NAPB: variants seen among roughly 807,000 people sequenced by gnomAD.
NAPB encodes the protein beta-soluble NSF attachment protein.
In NAPB, 26 loss-of-function variants were observed where a neutral mutation model predicts 44.7. The ratio of observed to expected loss-of-function variants is 0.58; its 90% CI spans 0.43 to 0.81. The LOEUF is 0.81. Ranked by LOEUF, NAPB falls within the 30% of genes least tolerant of loss-of-function variation. The pLI is 0.00. For missense variants in NAPB, 315 were observed against 356.4 expected (o/e 0.88, Z 0.94); for synonymous variants, 120 against 116.8 (o/e 1.03, Z -0.18).
chr20:23,391,952 G>A lies in NAPB; in HGVS notation c.421-1688C>T, dbSNP rs572957491. 2.6e-5 allele frequency among the ~76,000 whole-genome samples: 4 copies of A among 152,350 alleles called. No individual in the cohort carries two copies. The South Asian group carries it at 8.3e-4, about 32-fold the overall frequency. ...CTTTCTGCCCAAGCCCATTAGTTAA[G>A]TGGCTTCAAGGCAGCTCCTAGTGAG... On this transcript the variant is annotated intron_variant, in intron 5 of 10. Transcript: ENST00000377026.
At chr20:23,417,027 A>G (rs997177707) in intron 1 of NAPB, among the ~76,000 whole-genome samples, 1 of 151,722 alleles carries the variant, frequency 6.6e-6, no homozygotes, top group African/African-American at 2.4e-5. Flanking sequence ...CAGACTAAAC[A>G]CTGAAAGGCA....
rs372440421 is a variant in NAPB, at chr20:23,389,984, G to A, written c.523C>T (p.Leu175Phe). Residue 175 changes from leucine to phenylalanine, a missense_variant, in exon 7 of 11, where the codon CTT (leucine) becomes TTT (phenylalanine). Leu to Phe is a conservative substitution (Grantham distance 22). This residue lies in a region of NAPB where 16 missense variants were observed against 43.4 expected (regional missense o/e 0.37). Coordinates refer to ENST00000377026, the MANE Select transcript of NAPB (RefSeq NM_022080.3). ...TCAATGGCTTTCTGGTACTGCTCAAGCTGGGCAGCATATGCTGCCACCTTC... is the reference window on the plus strand; with the variant it reads ...TCAATGGCTTTCTGGTACTGCTCAAACTGGGCAGCATATGCTGCCACCTTC... ...LLKVAAYAAQ[L>F]EQYQKAIEIY... The A allele has an allele frequency of 2.5e-6, 4 of 1,614,152 alleles. No individual in the cohort carries two copies. In the African/African-American group the frequency reaches 5.3e-5, roughly 22 times the overall value.
At chr20:23,413,871 A>G (rs1373593863) in intron 1 of NAPB, among the ~76,000 whole-genome samples, 1 of 151,954 alleles carries the variant, frequency 6.6e-6, no homozygotes, top group Non-Finnish European at 1.5e-5. Context: ...TCACTGTGGT[A>G]TATTCTTAAA....
chr20:23,407,662 G>C (rs567674578), intron 1 of NAPB, among the ~76,000 whole-genome samples: 10 of 151,766 alleles, frequency 6.6e-5, no homozygotes, highest in East Asian at 5.8e-4. Flanking sequence ...AAAACACTAA[G>C]GAAATAAACT....
chr20:23,387,540 G>A (rs1983617575), intron 7 of NAPB, among the ~76,000 whole-genome samples: 1 of 152,124 alleles, frequency 6.6e-6, no homozygotes, highest in Admixed American at 6.5e-5. Flanking sequence ...TGGCATGGTT[G>A]CAGGACAAAA....
chr20:23,379,616 A>G, intron 9 of NAPB, 121 bp from the exon 10 acceptor site: 2 of 791,726 alleles, frequency 2.5e-6, no homozygotes, highest in South Asian at 3.6e-5. Context: ...AAATACTCAT[A>G]TACAAGTCAA....
At chr20:23,417,822 G>A (rs975084770) in intron 1 of NAPB, among the ~76,000 whole-genome samples, 2 of 151,998 alleles carry the variant, frequency 1.3e-5, no homozygotes, top group African/African-American at 4.8e-5. Context: ...GGATGGGAAA[G>A]GAATATTGAT....
Position 23,397,082 on chromosome 20 carries a change from T to G in NAPB, c.285A>C (p.Ala95=), listed in dbSNP as rs1984422337. The G allele has an allele frequency of 1.1e-5, 17 of 1,612,808 alleles. No homozygotes were observed. Among genetic ancestry groups the G allele is most frequent in the Non-Finnish European group, 1.4e-5 (17 of 1,179,038 alleles). ...GCCTGGCTGTCTTACCTTGGGGATC[T>G]GCCTTTTTGTAAGCATTTCCAGCAT... The part of the protein sequence containing the change: ...FVDAGNAYKK[A]DPQEAINCLN... The change falls in exon 3 of 11, where the codon GCA becomes GCC. Residue 95 remains alanine (A), a synonymous_variant. Transcript: ENST00000377026.
At position 23,394,929 on chromosome 20, in the gene NAPB, A is replaced by G. The variant is rs1221087050; in HGVS notation, c.413T>C (p.Ile138Thr). ...AGTGTGCCCACTGCTTACCTTCTCA[A>G]TGTCTACAAGTTCAGTCTCATAGAT... ...AEIYETELVD[I>T]EKAIAHYEQS... is the part of the protein sequence containing the mutation. The change falls in exon 5 of 11, where the codon ATT becomes ACT. Residue 138 changes from isoleucine (I) to threonine (T), a missense_variant. Ile to Thr is a moderately conservative substitution (Grantham distance 89). Around this residue, in one of 3 missense-constraint regions of NAPB, gnomAD observed 179 missense variants for 182.5 expected, o/e 0.98. Coordinates refer to ENST00000377026, the MANE Select transcript of NAPB (RefSeq NM_022080.3). 1.2e-6 allele frequency: 2 copies of G among 1,613,962 alleles called. No homozygotes were observed. The highest frequency in any genetic ancestry group is 1.7e-6 in the Non-Finnish European group (2 of 1,179,950).
chr20:23,415,587 C>G (rs937079612), intron 1 of NAPB, among the ~76,000 whole-genome samples: 3 of 151,598 alleles, frequency 2.0e-5, no homozygotes, highest in Non-Finnish European at 4.4e-5. Flanking sequence ...GAGCAAGACT[C>G]CATTTCAAAA....
chr20:23,397,725 A>G (rs1243080484), intron 2 of NAPB, among the ~76,000 whole-genome samples: 2 of 152,188 alleles, frequency 1.3e-5, no homozygotes, highest in Non-Finnish European at 2.9e-5. Context: ...CTAAAAATCC[A>G]AATTTTTTTC....
intron 1 of NAPB, 28 bp downstream of exon 1, chr20:23,421,277 C>A (rs747901016): frequency 2.0e-5 from 29 of 1,441,254 alleles, no homozygotes; most frequent in South Asian, 5.1e-5. Flanking sequence ...ACCCCCCCCC[C>A]CCAGGGCACG....
intron 1 of NAPB, among the ~76,000 whole-genome samples, chr20:23,408,113 T>G (rs532412324): frequency 1.3e-5 from 2 of 152,164 alleles, no homozygotes; most frequent in Non-Finnish European, 2.9e-5. Flanking sequence ...GACAGTACTA[T>G]GAAGATAAGC....
At chr20:23,401,335 C>T (rs1984826987) in intron 2 of NAPB, among the ~76,000 whole-genome samples, 1 of 152,146 alleles carries the variant, frequency 6.6e-6, no homozygotes, top group Admixed American at 6.5e-5. Flanking sequence ...TTATTTATAT[C>T]CTATCCTACT....
At chr20:23,392,673 T>C (rs894543336) in intron 5 of NAPB, among the ~76,000 whole-genome samples, 3 of 146,190 alleles carry the variant, frequency 2.1e-5, no homozygotes, top group African/African-American at 7.5e-5. Flanking sequence ...CACGCCACCA[T>C]TCCTGGATAG....
At chr20:23,408,039 T>C (rs150061147) in intron 1 of NAPB, among the ~76,000 whole-genome samples, 9 of 152,218 alleles carry the variant, frequency 5.9e-5, no homozygotes, top group East Asian at 5.8e-4. Flanking sequence ...ACTCCTGAGA[T>C]AGAAATAAAG....
intron 1 of NAPB, among the ~76,000 whole-genome samples, chr20:23,418,002 CTG>C (rs1986124839): frequency 6.6e-6 from 1 of 152,228 alleles, no homozygotes; most frequent in Admixed American, 6.5e-5. Flanking sequence ...CACAAAACCA[CTG>C]TGAGTGGTAA....
chr20:23,400,416 T>G (rs1230038429), intron 2 of NAPB, among the ~76,000 whole-genome samples: 2 of 152,142 alleles, frequency 1.3e-5, no homozygotes, highest in Non-Finnish European at 2.9e-5. Context: ...CTCCGGAGGC[T>G]GAGGCAGGAG....
intron 10 of NAPB, 50 bp downstream of exon 10, chr20:23,379,395 T>C (rs984823854): frequency 7.0e-7 from 1 of 1,420,692 alleles, no homozygotes; most frequent in Non-Finnish European, 9.7e-7. Context: ...AAGAAGTTTC[T>C]TTAACTTAAA....
Sources: allele counts gnomAD v4.1 joint callset (sites outside exome capture counted in the v4.1 genomes callset), GRCh38; gene constraint gnomAD v4.1.1; regional missense constraint gnomAD v4.1.1; transcripts MANE v1.5; gene names NCBI Gene and HGNC (gene_info 2026-07-23, HGNC 2026-07-21).